The following HMGA2 variants were observed in gnomAD, a reference collection of about 807,000 sequenced individuals.
HMGA2 encodes the protein high mobility group AT-hook 2.
HMGA2 carries 8 observed loss-of-function variants against 19.1 expected under a neutral mutation model. That is an observed-to-expected ratio of 0.42 (90% CI 0.25 to 0.76). The LOEUF is 0.76. HMGA2 is among the 30% of genes least tolerant of loss of function. HMGA2 has a pLI of 0.28. For synonymous variants in HMGA2, 60 were observed against 48.8 expected, an observed-to-expected ratio of 1.23 and a Z score of -0.96; for missense variants, 109 against 136.3, an observed-to-expected ratio of 0.80 and a Z score of 1.00.
At chr12:65,883,163 G>C (rs1482564175) in intron 3 of HMGA2, among the ~76,000 whole-genome samples, 1 of 152,192 alleles carries the variant, frequency 6.6e-6, no homozygotes. Context: ...GAGGCTGAAG[G>C]CTTACTCTAG....
chr12:65,923,528 C>T (rs1238782706), intron 3 of HMGA2, among the ~76,000 whole-genome samples: 1 of 152,186 alleles, frequency 6.6e-6, no homozygotes, highest in Non-Finnish European at 1.5e-5. Flanking sequence ...AGCACTGGAC[C>T]AGTCCAACAA....
chr12:65,890,018 A>G (rs1873836767), intron 3 of HMGA2, among the ~76,000 whole-genome samples: 1 of 152,178 alleles, frequency 6.6e-6, no homozygotes, highest in African/African-American at 2.4e-5. Context: ...TTGCTACAAA[A>G]TGGTCCTATA....
chr12:65,853,731 C>T (rs1259932384), intron 3 of HMGA2, among the ~76,000 whole-genome samples: 1 of 152,228 alleles, frequency 6.6e-6, no homozygotes, highest in East Asian at 1.9e-4. Flanking sequence ...CCCACCCTTC[C>T]TGGTCTAGGC....
At chr12:65,834,952 G>T (rs1390442781) in intron 2 of HMGA2, among the ~76,000 whole-genome samples, 1 of 152,168 alleles carries the variant, frequency 6.6e-6, no homozygotes, top group Non-Finnish European at 1.5e-5. Context: ...AGGGAGAAAT[G>T]ACACTTTTAA....
chr12:65,840,916 C>T (rs1471769101), intron 3 of HMGA2, among the ~76,000 whole-genome samples: 1 of 152,134 alleles, frequency 6.6e-6, no homozygotes, highest in Non-Finnish European at 1.5e-5. Flanking sequence ...ATCTCCTCTG[C>T]CCTTGGGCTG....
intron 3 of HMGA2, chr12:65,851,519 A>C (rs1196952666): frequency 4.4e-5 from 13 of 298,394 alleles, no homozygotes; most frequent in Non-Finnish European, 6.1e-5. Context: ...CCATCTCAAA[A>C]ACAAAAACAA....
At chr12:65,926,957 G>A (rs1318191170) in intron 3 of HMGA2, among the ~76,000 whole-genome samples, 6 of 152,202 alleles carry the variant, frequency 3.9e-5, no homozygotes, top group African/African-American at 1.4e-4. Context: ...GCAGTAATCA[G>A]GGGTCTTTTT....
At chr12:65,962,363 G>T (rs1007222195) in intron 4 of HMGA2, among the ~76,000 whole-genome samples, 1 of 152,172 alleles carries the variant, frequency 6.6e-6, no homozygotes, top group Non-Finnish European at 1.5e-5. Context: ...TAAGGAATCA[G>T]AAAAAGGAAA....
intron 3 of HMGA2, among the ~76,000 whole-genome samples, chr12:65,844,382 C>A (rs1391063359): frequency 6.6e-6 from 1 of 152,060 alleles, no homozygotes; most frequent in Non-Finnish European, 1.5e-5. Flanking sequence ...ACTATCTTTT[C>A]CTTTGCAATA....
Position 65,863,958 on chromosome 12 carries a change from G to C in HMGA2, c.249+25389G>C, listed in dbSNP as rs529779210. Among the ~76,000 whole-genome samples, 10 of 152,270 alleles carry C rather than the reference G, an allele frequency of 6.6e-5. No homozygotes were observed. In the East Asian group the frequency reaches 1.4e-3, roughly 21 times the overall value. ...CTTCATTTCTCCAGATGGAAAATGG[G>C]ATATGAAAATCCACCAAAGGAAAGA... On this transcript the variant is annotated intron_variant, in intron 3 of 4. Coordinates refer to ENST00000403681, the MANE Select transcript of HMGA2 (RefSeq NM_003483.6).
At chr12:65,837,846 T>C (rs10878337) in intron 2 of HMGA2, among the ~76,000 whole-genome samples, 33,625 of 152,140 alleles carry the variant, frequency 0.22, 7,868 homozygotes, top group African/African-American at 0.59. Context: ...TCTAGGCACA[T>C]ATAGTTTTAA....
At chr12:65,845,261 T>C (rs1315570305) in intron 3 of HMGA2, among the ~76,000 whole-genome samples, 1 of 152,112 alleles carries the variant, frequency 6.6e-6, no homozygotes, top group African/African-American at 2.4e-5. Flanking sequence ...GTTTTTGTTT[T>C]TGTTTTGTTT....
Position 65,963,917 on chromosome 12 carries a change from T to G in HMGA2, c.*625T>G, listed in dbSNP as rs1218363386. ...GACGAAATGCTGATGTATCCTTTCA[T>G]TCAGCTAACAAACTAGAAAAGGTTA... On this transcript the variant is annotated 3_prime_UTR_variant, in exon 5 of 5. Coordinates refer to ENST00000403681, the MANE Select transcript of HMGA2 (RefSeq NM_003483.6). 1.9e-5 allele frequency: 4 copies of G among 211,578 alleles called. No homozygotes were observed. The highest frequency in any genetic ancestry group is 3.8e-5 in the Non-Finnish European group (4 of 104,342). 13.1% of individuals were successfully genotyped at this position (211,578 alleles called of 1,614,324 possible). A position where few individuals can be genotyped will look rare whatever the true frequency, so the allele number is the denominator to read the frequency against.
At position 65,932,505 on chromosome 12, in the gene HMGA2, C is replaced by T. The variant is rs552301880; in HGVS notation, c.250-18878C>T. 5.3e-5 allele frequency among the ~76,000 whole-genome samples: 8 copies of T among 152,146 alleles called. No homozygotes were observed. The South Asian group carries it at 1.5e-3, about 28-fold the overall frequency. On this transcript the variant is annotated intron_variant, in intron 3 of 4. Transcript: ENST00000403681. ...TGGTGCTTGGTGTATAGAAGGCACT[C>T]AATGAATGTATGTTGAATAAATGAA...
intron 3 of HMGA2, among the ~76,000 whole-genome samples, chr12:65,913,126 T>C (rs1724116934): frequency 6.6e-6 from 1 of 152,236 alleles, no homozygotes; most frequent in Admixed American, 6.5e-5. Context: ...CTTATAATCA[T>C]GAGTCTCTTG....
chr12:65,849,736 ATTTTTTT>A (rs34541445), intron 3 of HMGA2, among the ~76,000 whole-genome samples: 27 of 85,130 alleles, frequency 3.2e-4, no homozygotes, highest in African/African-American at 1.3e-3. Context: ...TAGGCTCTGT[ATTTTTTT>A]TTTTTTTTTT....
At chr12:65,876,378 G>A (rs1873028926) in intron 3 of HMGA2, among the ~76,000 whole-genome samples, 1 of 152,152 alleles carries the variant, frequency 6.6e-6, no homozygotes. Context: ...GGCATAAAAA[G>A]TATAATTAGT....
chr12:65,957,584 A>T (rs759686556), intron 4 of HMGA2: 14 of 152,168 alleles, frequency 9.2e-5, no homozygotes, highest in Non-Finnish European at 1.9e-4. Context: ...TAAGAATTGA[A>T]CCTGGCATGG....
chr12:65,838,992 C>CTTTTTTTT (rs1565703147), intron 3 of HMGA2, among the ~76,000 whole-genome samples: 1 of 89,452 alleles, frequency 1.1e-5, no homozygotes, highest in African/African-American at 1.0e-4. Flanking sequence ...CTTTCTTTTT[C>CTTTTTTTT]TTTTTCTTTT....
Sources: allele counts gnomAD v4.1 joint callset (sites outside exome capture counted in the v4.1 genomes callset), GRCh38; gene constraint gnomAD v4.1.1; transcripts MANE v1.5; gene names NCBI Gene and HGNC (gene_info 2026-07-23, HGNC 2026-07-21).